The following LYPLAL1 variants were observed in gnomAD, a reference collection of about 807,000 sequenced individuals.
The protein encoded by LYPLAL1 is lysophospholipase like 1.
A neutral mutation model predicts 19.7 loss-of-function variants in LYPLAL1; 23 were observed. The ratio of observed to expected loss-of-function variants is 1.17; its 90% CI spans 0.84 to 1.65. The LOEUF (loss-of-function observed/expected upper bound fraction) is 1.65, where lower values mean the gene tolerates loss of function less well. Ranked by LOEUF, LYPLAL1 falls within the 40% of genes most tolerant of loss-of-function variation. The pLI is 0.00. For synonymous variants in LYPLAL1, 119 were observed against 96.3 expected, an observed-to-expected ratio of 1.24 and a Z score of -1.38; for missense variants, 355 against 279.4, an observed-to-expected ratio of 1.27 and a Z score of -1.93.
chr1:219,327,733 C>G, the LYPLAL1 span, among the ~76,000 whole-genome samples: 3,033 of 152,154 alleles, frequency 0.02, 92 homozygotes, highest in African/African-American at 0.067. Flanking sequence ...GTCAGTTTTC[C>G]CCATACTATT....
the LYPLAL1 span, among the ~76,000 whole-genome samples, chr1:219,258,184 G>A: frequency 1.3e-5 from 2 of 152,016 alleles, no homozygotes; most frequent in African/African-American, 2.4e-5. Flanking sequence ...AAACACTCAT[G>A]TTTTACAATC....
the LYPLAL1 span, among the ~76,000 whole-genome samples, chr1:219,333,899 G>T: frequency 4.6e-5 from 7 of 151,984 alleles, no homozygotes; most frequent in Admixed American, 3.3e-4. Context: ...TCTGTTTATG[G>T]TAATATTATT....
chr1:219,201,561 A>G (rs1313327493), intron 3 of LYPLAL1, among the ~76,000 whole-genome samples: 1 of 151,788 alleles, frequency 6.6e-6, no homozygotes, highest in Non-Finnish European at 1.5e-5. Flanking sequence ...TCTAAGATTT[A>G]TTAATTTCAT....
the LYPLAL1 span, among the ~76,000 whole-genome samples, chr1:219,348,564 A>G: frequency 2.0e-5 from 3 of 152,144 alleles, no homozygotes; most frequent in African/African-American, 4.8e-5. Flanking sequence ...TCTCCATTTC[A>G]TTCTTCTTGA....
the LYPLAL1 span, among the ~76,000 whole-genome samples, chr1:219,245,445 C>G: frequency 6.6e-6 from 1 of 152,122 alleles, no homozygotes; most frequent in South Asian, 2.1e-4. Context: ...CTAAGGAATC[C>G]CTTAGCAACC....
At chr1:219,227,444 C>A in the LYPLAL1 span, among the ~76,000 whole-genome samples, 4 of 152,310 alleles carry the variant, frequency 2.6e-5, no homozygotes, top group South Asian at 8.3e-4. Context: ...AGTATTAACA[C>A]TTGCAAGGTT....
At chr1:219,182,807 A>G (rs1656401737) in intron 2 of LYPLAL1, among the ~76,000 whole-genome samples, 1 of 152,044 alleles carries the variant, frequency 6.6e-6, no homozygotes, top group Non-Finnish European at 1.5e-5. Flanking sequence ...GGCTTGTAAA[A>G]TCATTCCATT....
chr1:219,245,506 T>G, the LYPLAL1 span, among the ~76,000 whole-genome samples: 1 of 152,150 alleles, frequency 6.6e-6, no homozygotes, highest in African/African-American at 2.4e-5. Context: ...GAAGAATGAG[T>G]TTCAGATTTA....
the LYPLAL1 span, among the ~76,000 whole-genome samples, chr1:219,374,678 A>T: frequency 6.6e-6 from 1 of 152,228 alleles, no homozygotes; most frequent in African/African-American, 2.4e-5. Context: ...TCCTATAGAC[A>T]TAATCTCTGA....
chr1:219,357,068 T>G, the LYPLAL1 span, among the ~76,000 whole-genome samples: 1 of 152,204 alleles, frequency 6.6e-6, no homozygotes, highest in Non-Finnish European at 1.5e-5. Context: ...GAATGTCACT[T>G]GAATTTTCAC....
the LYPLAL1 span, among the ~76,000 whole-genome samples, chr1:219,223,873 G>T: frequency 8.6e-5 from 13 of 151,792 alleles, no homozygotes; most frequent in South Asian, 2.5e-3. Context: ...ATTTTGTTTT[G>T]TTTTTTTCTT....
At chr1:219,432,598 G>A in the LYPLAL1 span, among the ~76,000 whole-genome samples, 1 of 152,072 alleles carries the variant, frequency 6.6e-6, no homozygotes, top group Admixed American at 6.6e-5. Flanking sequence ...TAAATAAGTG[G>A]ACACGATGGC....
At chr1:219,255,973 T>C in the LYPLAL1 span, among the ~76,000 whole-genome samples, 1 of 151,910 alleles carries the variant, frequency 6.6e-6, no homozygotes, top group South Asian at 2.1e-4. Context: ...ATTAGCTTGG[T>C]TAATATTTAT....
the LYPLAL1 span, among the ~76,000 whole-genome samples, chr1:219,414,756 A>C: frequency 3.9e-5 from 6 of 152,328 alleles, no homozygotes; most frequent in South Asian, 1.2e-3. Context: ...GGACCAATTC[A>C]AAAGTCACTA....
At chr1:219,356,341 A>C in the LYPLAL1 span, among the ~76,000 whole-genome samples, 1 of 152,082 alleles carries the variant, frequency 6.6e-6, no homozygotes, top group Non-Finnish European at 1.5e-5. Flanking sequence ...CTCTACTAAA[A>C]ATACAAAAAT....
the LYPLAL1 span, among the ~76,000 whole-genome samples, chr1:219,218,351 T>C: frequency 4.0e-5 from 6 of 151,836 alleles, no homozygotes; most frequent in Non-Finnish European, 7.4e-5. Context: ...AGCAAAGCCA[T>C]GTAATTACAA....
chr1:219,442,831 G>A, the LYPLAL1 span, among the ~76,000 whole-genome samples: 2,048 of 152,244 alleles, frequency 0.013, 28 homozygotes, highest in South Asian at 0.021. Flanking sequence ...CCTTATGATG[G>A]TAAGAAAGTT....
chr1:219,203,030 G>A (rs996095509), intron 3 of LYPLAL1, among the ~76,000 whole-genome samples: 2 of 152,084 alleles, frequency 1.3e-5, no homozygotes, highest in Non-Finnish European at 2.9e-5. Flanking sequence ...GGAAAAACTA[G>A]CAAAATGTAA....
chr1:219,257,241 A>G, the LYPLAL1 span, among the ~76,000 whole-genome samples: 1 of 151,804 alleles, frequency 6.6e-6, no homozygotes, highest in Non-Finnish European at 1.5e-5. Flanking sequence ...AGCTGTATAT[A>G]TGTCTAGAAT....
Sources: gnomAD v4.1 joint callset for allele counts (sites outside exome capture counted in the v4.1 genomes callset) on GRCh38, gnomAD v4.1.1 for gene constraint, MANE v1.5 for transcripts, NCBI Gene and HGNC (gene_info 2026-07-23, HGNC 2026-07-21) for gene names.